Variants in MYZAP observed in about 807,000 individuals in gnomAD.
MYZAP encodes GRINL1A complex locus upstream.
Under a neutral mutation model 69.4 loss-of-function variants are expected in MYZAP, and 66 were observed. The ratio of observed to expected loss-of-function variants is 0.95; its 90% CI spans 0.78 to 1.17. The LOEUF is 1.17. MYZAP is among the 50% of genes most tolerant of loss of function. The pLI, the probability that MYZAP is intolerant of heterozygous loss-of-function variation, is 0.00. For missense variants in MYZAP, 611 were observed against 556.2 expected, an observed-to-expected ratio of 1.10 and a Z score of -0.99; for synonymous variants, 256 against 205.9, an observed-to-expected ratio of 1.24 and a Z score of -2.09.
chr15:57,607,150 G>A (rs1433004430), intron 2 of MYZAP, among the ~76,000 whole-genome samples: 1 of 152,218 alleles, frequency 6.6e-6, no homozygotes, highest in African/African-American at 2.4e-5. Flanking sequence ...CTGGAGTGAG[G>A]GACAGGACAA....
chr15:57,670,434 C>A (rs8024008), intron 11 of MYZAP, among the ~76,000 whole-genome samples: 136,345 of 152,052 alleles, frequency 0.9, 62,327 homozygotes, highest in Non-Finnish European at 0.98. Flanking sequence ...TGTTTACGTG[C>A]TATATATTAT....
intron 1 of MYZAP, among the ~76,000 whole-genome samples, chr15:57,603,454 C>G (rs1351148242): frequency 1.3e-5 from 2 of 152,092 alleles, no homozygotes; most frequent in East Asian, 1.9e-4. Context: ...TTCATCTTCC[C>G]AAGCTGGGAT....
At chr15:57,646,160 C>T in intron 10 of MYZAP, 3 of 1,289,384 alleles carry the variant, frequency 2.3e-6, no homozygotes, top group Non-Finnish European at 3.0e-6. Context: ...AGCTCTTCTC[C>T]AGATTTAGTC....
intron 7 of MYZAP, 132 bp from the exon 8 acceptor site, chr15:57,633,481 T>G: frequency 7.7e-7 from 1 of 1,304,410 alleles, no homozygotes; most frequent in Non-Finnish European, 1.0e-6. Context: ...TCATGATCTG[T>G]GAGACACTTT....
chr15:57,672,307 T>C (rs1348719102), intron 11 of MYZAP, among the ~76,000 whole-genome samples: 1 of 152,232 alleles, frequency 6.6e-6, no homozygotes, highest in Non-Finnish European at 1.5e-5. Context: ...ATGACTGTGC[T>C]GCTCTCAGGG....
At chr15:57,657,859 T>C (rs2038082057) in intron 10 of MYZAP, among the ~76,000 whole-genome samples, 1 of 152,312 alleles carries the variant, frequency 6.6e-6, no homozygotes, top group African/African-American at 2.4e-5. Context: ...TAATTCACAA[T>C]GCCACCTGCA....
intron 10 of MYZAP, among the ~76,000 whole-genome samples, chr15:57,655,435 G>C (rs1426870424): frequency 1.3e-5 from 2 of 152,174 alleles, no homozygotes; most frequent in Admixed American, 6.5e-5. Context: ...CATTAAAAGC[G>C]TAGGGGGTTT....
chr15:57,624,820 G>C (rs1216608972), intron 4 of MYZAP, among the ~76,000 whole-genome samples: 1 of 152,134 alleles, frequency 6.6e-6, no homozygotes. Context: ...ACATGCTCCT[G>C]GGCCTGGCTT....
intron 5 of MYZAP, among the ~76,000 whole-genome samples, chr15:57,629,121 AAG>A (rs1411999624): frequency 6.6e-6 from 1 of 151,654 alleles, no homozygotes; most frequent in Non-Finnish European, 1.5e-5. Flanking sequence ...AAAGAATAAA[AAG>A]AGGAATATCT....
chr15:57,627,764 G>C (rs1018344995), intron 5 of MYZAP, among the ~76,000 whole-genome samples: 1 of 152,112 alleles, frequency 6.6e-6, no homozygotes, highest in Non-Finnish European at 1.5e-5. Flanking sequence ...CCTAGTGACA[G>C]AGCCAGGATT....
rs746567239 is a variant in MYZAP, at chr15:57,684,456, C to T, written c.1359C>T (p.Tyr453=). 10 of 1,613,354 alleles carry T rather than the reference C, an allele frequency of 6.2e-6. No homozygotes were observed. Among genetic ancestry groups the T allele is most frequent in the Admixed American group, 1.7e-5 (1 of 59,922 alleles). ...TGCCTTCTAGGAACTACACCCCATA[C>T]ACAAGAGTCCTGGAGTTAACCATGA... The part of the protein sequence containing the change: ...IVMPSRNYTP[Y]TRVLELTMKK... The change falls in exon 13 of 13, where the codon TAC becomes TAT. Residue 453 remains tyrosine, a synonymous_variant. Transcript: ENST00000267853.
chr15:57,627,854 G>A (rs1448843316), intron 5 of MYZAP, among the ~76,000 whole-genome samples: 1 of 152,156 alleles, frequency 6.6e-6, no homozygotes, highest in Non-Finnish European at 1.5e-5. Flanking sequence ...CAGTGGGGCT[G>A]GGGGAGTGGG....
chr15:57,668,156 A>G (rs1226489137), intron 11 of MYZAP, among the ~76,000 whole-genome samples: 3 of 152,166 alleles, frequency 2.0e-5, no homozygotes, highest in Non-Finnish European at 4.4e-5. Context: ...ATTCCATTGT[A>G]TGAATATATC....
chr15:57,654,180 G>A (rs1221182696), intron 10 of MYZAP, among the ~76,000 whole-genome samples: 1 of 152,024 alleles, frequency 6.6e-6, no homozygotes, highest in African/African-American at 2.4e-5. Context: ...TCAGCCTAAT[G>A]GCCTCCCAAT....
chr15:57,668,712 C>A (rs530302491), intron 11 of MYZAP, among the ~76,000 whole-genome samples: 3 of 151,962 alleles, frequency 2.0e-5, no homozygotes, highest in African/African-American at 7.2e-5. Flanking sequence ...CTGTTCCAAT[C>A]TTTAGTCCGT....
intron 1 of MYZAP, among the ~76,000 whole-genome samples, chr15:57,593,188 G>GCACACACA (rs199705290): frequency 1.4e-3 from 162 of 114,194 alleles, no homozygotes; most frequent in African/African-American, 3.5e-3. Flanking sequence ...GTACACAGGC[G>GCACACACA]CACACACACA....
At chr15:57,684,351 G>A in intron 12 of MYZAP, 51 bp from the exon 13 acceptor site, 1 of 1,192,814 alleles carries the variant, frequency 8.4e-7, no homozygotes, top group Non-Finnish European at 1.2e-6. Flanking sequence ...GAAGCATATG[G>A]GGGGTTTTGT....
intron 1 of MYZAP, among the ~76,000 whole-genome samples, chr15:57,598,695 T>C (rs1460834267): frequency 6.6e-6 from 1 of 152,254 alleles, no homozygotes; most frequent in Non-Finnish European, 1.5e-5. Flanking sequence ...CCAGTGCTTC[T>C]CTATCATGCA....
intron 1 of MYZAP, among the ~76,000 whole-genome samples, chr15:57,603,604 C>G (rs564012687): frequency 9.9e-5 from 15 of 152,144 alleles, no homozygotes; most frequent in Admixed American, 4.6e-4. Flanking sequence ...TTGCCACTGG[C>G]TTATTTCACT....
Sources: gnomAD v4.1 joint callset for allele counts (sites outside exome capture counted in the v4.1 genomes callset) on GRCh38, gnomAD v4.1.1 for gene constraint, MANE v1.5 for transcripts, NCBI Gene and HGNC (gene_info 2026-07-23, HGNC 2026-07-21) for gene names.